Variants in TFR2 observed in about 807,000 individuals in gnomAD.
TFR2 encodes transferrin receptor protein 2.
A neutral mutation model predicts 91.9 loss-of-function variants in TFR2; 64 were observed. The observed-to-expected ratio is 0.70, with a 90% CI of 0.57 to 0.86. TFR2 has a LOEUF of 0.86. Ranked by LOEUF, TFR2 falls within the 40% of genes least tolerant of loss-of-function variation. The pLI, the probability that TFR2 is intolerant of heterozygous loss-of-function variation, is 0.00. For missense variants in TFR2, 950 were observed against 1,080.5 expected (o/e 0.88, Z 1.69); for synonymous variants, 454 against 459.6 (o/e 0.99, Z 0.15).
In TFR2 at chr7:100,626,798, G is replaced by A. The variant is rs946552921; in HGVS notation, c.2101C>T (p.Arg701Ter). The change falls in exon 17 of 18, where the codon CGA (arginine) becomes TGA (stop). Residue 701 changes from arginine (R) to a stop codon, truncating the protein, a stop_gained. Coordinates refer to ENST00000223051, the MANE Select transcript of TFR2 (RefSeq NM_003227.4). LOFTEE classifies it high-confidence loss of function. ...CGCACGTTGTACATGCGTGTCAGTC[G>A]CTCGTCTCTCTCCTCCGAGCTGTAG... ...EIYSSEERDE[R>*]LTRMYNVRIM... 5 of 1,548,386 alleles carry A rather than the reference G, an allele frequency of 3.2e-6. No individual in the cohort carries two copies. Among genetic ancestry groups the A allele is most frequent in the Admixed American group, 2.0e-5 (1 of 51,008 alleles).
rs367868194 is a variant in TFR2 at position 100,632,226 on chromosome 7, C to G, written c.850-28G>C. ...GGGGAGGAAGGTGACTAGAGGACTC[C>G]TCCCAGAAAAAAACCCGATTCATAA... is the stretch of plus-strand genomic sequence containing the variant. On this transcript the variant is annotated intron_variant, in intron 6 of 17. Transcript: ENST00000223051. The G allele has an allele frequency of 1.8e-4, 285 of 1,605,888 alleles. 1 individual carries two copies. Among genetic ancestry groups the G allele is most frequent in the Non-Finnish European group, 2.2e-4 (258 of 1,172,818 alleles).
At chr7:100,631,586 T>A in intron 8 of TFR2, 1 of 459,102 alleles carries the variant, frequency 2.2e-6, no homozygotes. Flanking sequence ...ATTGCACCAC[T>A]GCACTCCAGC....
intron 1 of TFR2, 70 bp downstream of exon 1, chr7:100,641,407 G>A: frequency 6.2e-7 from 1 of 1,601,826 alleles, no homozygotes; most frequent in Non-Finnish European, 8.5e-7. Flanking sequence ...GCCAGCCTCA[G>A]GGGCTTGGGA....
chr7:100,631,829 T>C lies in TFR2; in HGVS notation c.1083A>G (p.Ala361=), dbSNP rs1803444656. The C allele has an allele frequency of 6.2e-7, 1 of 1,613,394 alleles. No individual in the cohort carries two copies. The highest frequency in any genetic ancestry group is 1.3e-5 in the African/African-American group (1 of 74,878). Residue 361 remains alanine, a synonymous_variant, in exon 8 of 18, where the codon GCA becomes GCG. Coordinates refer to ENST00000223051, the MANE Select transcript of TFR2 (RefSeq NM_003227.4). ...LPSIPAQPIS[A]DIASRLLRKL... Reference sequence around the variant, plus strand: ...ACCTCAGCAGGCGGGAGGCAATGTCTGCACTGATGGGCTGGGCTGGGATGC... The same window carrying C: ...ACCTCAGCAGGCGGGAGGCAATGTCCGCACTGATGGGCTGGGCTGGGATGC...
At position 100,640,441 on chromosome 7, in the gene TFR2, C is replaced by A. The variant is rs41303450; in HGVS notation, c.473+245G>T. ...ATACTGGATGCTGCACCCCTCTGAT[C>A]TCAGACAGTCAGCTCCCTCACCTCC... is the stretch of plus-strand genomic sequence containing the variant. On this transcript the variant is annotated intron_variant, in intron 3 of 17. Transcript: ENST00000223051. 1.4e-4 allele frequency: 81 copies of A among 570,772 alleles called. No individual in the cohort carries two copies. In the East Asian group the frequency reaches 1.7e-3, roughly 12 times the overall value. 35.4% of individuals were successfully genotyped at this position (570,772 alleles called of 1,614,324 possible). A position where few individuals can be genotyped will look rare whatever the true frequency, so the allele number is the denominator to read the frequency against.
At chr7:100,629,749 ATTTAT>A (rs1803374330) in intron 9 of TFR2, among the ~76,000 whole-genome samples, 1 of 151,750 alleles carries the variant, frequency 6.6e-6, no homozygotes, top group Non-Finnish European at 1.5e-5. Flanking sequence ...TTACTTATTT[ATTTAT>A]TTAATTTATT....
chr7:100,627,385 A>G lies in TFR2; in HGVS notation c.1874T>C (p.Leu625Pro), dbSNP rs1167487983. 1.9e-6 allele frequency: 3 copies of G among 1,559,170 alleles called. No homozygotes were observed. Among genetic ancestry groups the G allele is most frequent in the Non-Finnish European group, 1.7e-6 (2 of 1,151,436 alleles). Residue 625 changes from leucine to proline, a missense_variant, in exon 16 of 18, where the codon CTC becomes CCC. Coordinates refer to ENST00000223051, the MANE Select transcript of TFR2 (RefSeq NM_003227.4). ...LPAVAQAVAQ[L>P]AGQLLIRLSH... The stretch of plus-strand genomic sequence containing the variant: ...GAGCCGGATGAGGAGCTGCCCTGCG[A>G]GCTGGGCCACGGCCTGGGCCACGGC...
chr7:100,630,468 T>TA (rs1803403045), intron 9 of TFR2, among the ~76,000 whole-genome samples: 1 of 152,160 alleles, frequency 6.6e-6, no homozygotes, highest in African/African-American at 2.4e-5. Flanking sequence ...GTTTGTATTT[T>TA]TAGTAGAGAC....
At chr7:100,621,554 T>C (rs1476948982) in intron 17 of TFR2, among the ~76,000 whole-genome samples, 1 of 152,070 alleles carries the variant, frequency 6.6e-6, no homozygotes, top group Non-Finnish European at 1.5e-5. Context: ...ACGCTAGGCC[T>C]CCCCTTCTAT....
intron 17 of TFR2, among the ~76,000 whole-genome samples, chr7:100,625,366 T>C (rs1298574717): frequency 1.3e-5 from 2 of 152,118 alleles, no homozygotes; most frequent in Non-Finnish European, 2.9e-5. Flanking sequence ...GCCTAAGTCA[T>C]GCATCTTACA....
intron 8 of TFR2, 57 bp from the exon 9 acceptor site, chr7:100,631,109 ATCAC>A (rs1187952039): frequency 1.4e-6 from 2 of 1,445,410 alleles, no homozygotes; most frequent in African/African-American, 2.9e-5. Context: ...AAGAGTCCAA[ATCAC>A]TCTTTTCCTT....
chr7:100,632,981 C>A lies in TFR2; in HGVS notation c.849+20G>T. 1 of 1,613,708 alleles carries A rather than the reference C, an allele frequency of 6.2e-7. No homozygotes were observed. The highest frequency in any genetic ancestry group is 8.5e-7 in the Non-Finnish European group (1 of 1,180,010). On this transcript the variant is annotated intron_variant, in intron 6 of 17. Coordinates refer to ENST00000223051, the MANE Select transcript of TFR2 (RefSeq NM_003227.4). The stretch of plus-strand genomic sequence containing the variant: ...TCCGGTTCCCGGGCTCAAGCCCTCC[C>A]TCTGTCCAGGGACACTTACCTTCTG...
At position 100,627,312 on chromosome 7, in the gene TFR2, G is replaced by T; in HGVS notation, c.1947C>A (p.Val649=). The T allele has an allele frequency of 6.5e-7, 1 of 1,549,834 alleles. No homozygotes were observed. The highest frequency in any genetic ancestry group is 8.7e-7 in the Non-Finnish European group (1 of 1,146,904). The part of the protein sequence containing the change: ...LPLDFGRYGD[V]VLRHIGNLNE... ...TGAGGTTCCCGATGTGCCTGAGGAC[G>T]ACGTCCCCGTAGCGGCCGAAGTCGA... Residue 649 remains valine, a synonymous_variant, in exon 16 of 18, where the codon GTC becomes GTA. Transcript: ENST00000223051.
At chr7:100,630,639 C>G (rs780716206) in intron 9 of TFR2, among the ~76,000 whole-genome samples, 15 of 152,342 alleles carry the variant, frequency 9.8e-5, no homozygotes, top group Non-Finnish European at 1.9e-4. Flanking sequence ...TTACTCACTT[C>G]CAGTGCTGGG....
At position 100,629,243 on chromosome 7, in the gene TFR2, C is replaced by T. The variant is rs1215345116; in HGVS notation, c.1390+10G>A. The T allele has an allele frequency of 4.3e-6, 7 of 1,613,464 alleles. No homozygotes were observed. Among genetic ancestry groups the T allele is most frequent in the South Asian group, 1.1e-5 (1 of 91,076 alleles). ...CCTAGCCCAGGCCCAGGCCCTGGCC[C>T]TGACCTTACCGTTGCTCACCATGGA... On this transcript the variant is annotated intron_variant, in intron 10 of 17. Coordinates refer to ENST00000223051, the MANE Select transcript of TFR2 (RefSeq NM_003227.4).
chr7:100,641,454 C>G, intron 1 of TFR2, 23 bp downstream of exon 1: 1 of 1,613,648 alleles, frequency 6.2e-7, no homozygotes, highest in Non-Finnish European at 8.5e-7. Context: ...CCTAAGGGGT[C>G]TTCCCAATCC....
At chr7:100,635,152 C>T (rs908281138) in intron 3 of TFR2, among the ~76,000 whole-genome samples, 5 of 151,868 alleles carry the variant, frequency 3.3e-5, no homozygotes. Flanking sequence ...GTCGGCTAGG[C>T]TGGTCTCAAA....
chr7:100,626,743 C>T lies in TFR2; in HGVS notation c.2136+20G>A, dbSNP rs745921869. 6.5e-6 allele frequency: 10 copies of T among 1,534,774 alleles called. No homozygotes were observed. The South Asian group carries it at 8.4e-5, about 13-fold the overall frequency. ...GAGGGGCGGGACACTGGGGGCGGGG[C>T]GAGGAGGGCGGGGCCTCACCCGCAT... is the stretch of plus-strand genomic sequence containing the variant. On this transcript the variant is annotated intron_variant, in intron 17 of 17. Coordinates refer to ENST00000223051, the MANE Select transcript of TFR2 (RefSeq NM_003227.4).
At chr7:100,634,861 C>G (rs2131322500) in intron 3 of TFR2, among the ~76,000 whole-genome samples, 1 of 152,340 alleles carries the variant, frequency 6.6e-6, no homozygotes, top group South Asian at 2.1e-4. Flanking sequence ...CTCAACGAAG[C>G]CTTCCCTGAA....
Sources: allele counts gnomAD v4.1 joint callset (sites outside exome capture counted in the v4.1 genomes callset), GRCh38; gene constraint gnomAD v4.1.1; transcripts MANE v1.5; gene names NCBI Gene and HGNC (gene_info 2026-07-23, HGNC 2026-07-21).